TES: variants seen among roughly 807,000 people sequenced by gnomAD.
TES encodes the protein testin.
A neutral mutation model predicts 48.2 loss-of-function variants in TES; 41 were observed. The observed-to-expected ratio is 0.85, with a 90% CI of 0.66 to 1.10. The LOEUF (loss-of-function observed/expected upper bound fraction) is 1.10, where lower values mean the gene tolerates loss of function less well. Ranked by LOEUF, TES falls within the 50% of genes least tolerant of loss-of-function variation. The pLI is 0.00. For missense variants in TES, 463 were observed against 515.1 expected (o/e 0.90, Z 0.98); for synonymous variants, 162 against 174.9 (o/e 0.93, Z 0.58).
chr7:116,229,033 T>TATATATATATATATATATATAAA (rs1417517023), intron 1 of TES, among the ~76,000 whole-genome samples: 1 of 115,496 alleles, frequency 8.7e-6, no homozygotes, highest in African/African-American at 3.4e-5. Context: ...TATATATATA[T>TATATATATATATATATATATAAA]AATCATTTCC....
intron 1 of TES, among the ~76,000 whole-genome samples, chr7:116,231,957 T>A (rs1799706237): frequency 6.6e-6 from 1 of 152,192 alleles, no homozygotes; most frequent in East Asian, 1.9e-4. Context: ...TATTTTTGAT[T>A]TACAAAGATA....
intron 2 of TES, among the ~76,000 whole-genome samples, chr7:116,236,958 C>A (rs758600481): frequency 9.9e-5 from 15 of 152,200 alleles, no homozygotes; most frequent in Non-Finnish European, 1.9e-4. Context: ...CTGACATCTT[C>A]CTGGCATGGG....
chr7:116,211,043 C>T (rs960915782), intron 1 of TES: 8 of 257,748 alleles, frequency 3.1e-5, no homozygotes, highest in African/African-American at 1.8e-4. Context: ...TAAGATGTTT[C>T]AGCTCTGCCT....
chr7:116,247,504 T>A (rs1460862988), intron 2 of TES, among the ~76,000 whole-genome samples: 1 of 152,186 alleles, frequency 6.6e-6, no homozygotes, highest in Non-Finnish European at 1.5e-5. Flanking sequence ...GTGCACTTTT[T>A]AATCAGTCTT....
Position 116,252,330 on chromosome 7 carries a change from A to C in TES, c.931A>C (p.Asn311His). 3 of 1,607,588 alleles carry C rather than the reference A, an allele frequency of 1.9e-6. No individual in the cohort carries two copies. The highest frequency in any genetic ancestry group is 8.5e-7 in the Non-Finnish European group (1 of 1,174,544). The change falls in exon 6 of 7, where the codon AAT (asparagine) becomes CAT (histidine). Residue 311 changes from asparagine (N) to histidine (H), a missense_variant. Physicochemically the swap from Asn to His is moderately conservative, Grantham distance 68. Transcript: ENST00000358204. The part of the protein sequence containing the change: ...CAGCDELIFS[N>H]EYTQAENQNW... ...ATCTTCTTCCTAGCTGATATTCAGC[A>C]ATGAGTATACCCAGGCAGAAAACCA...
At chr7:116,221,729 T>C (rs575881817) in intron 1 of TES, among the ~76,000 whole-genome samples, 106 of 152,272 alleles carry the variant, frequency 7.0e-4, no homozygotes, top group Admixed American at 1.5e-3. Flanking sequence ...TCTAATTTCA[T>C]TGGTGGCTTA....
chr7:116,240,873 C>CTA (rs549204008), intron 2 of TES, among the ~76,000 whole-genome samples: 76 of 152,246 alleles, frequency 5.0e-4, no homozygotes, highest in Non-Finnish European at 1.0e-3. Context: ...CTGTTTAAAT[C>CTA]TATATATATC....
At chr7:116,244,541 G>A (rs915654921) in intron 2 of TES, among the ~76,000 whole-genome samples, 2 of 152,248 alleles carry the variant, frequency 1.3e-5, no homozygotes, top group Non-Finnish European at 2.9e-5. Flanking sequence ...CTCCGCCCCT[G>A]TGGCTTTGCA....
intron 2 of TES, among the ~76,000 whole-genome samples, chr7:116,244,824 G>A (rs998725608): frequency 6.6e-6 from 1 of 152,198 alleles, no homozygotes; most frequent in Non-Finnish European, 1.5e-5. Context: ...TCTAGGCAGA[G>A]GTTCCCAAAC....
chr7:116,219,911 A>G (rs1325701488), intron 1 of TES, among the ~76,000 whole-genome samples: 1 of 152,144 alleles, frequency 6.6e-6, no homozygotes, highest in Non-Finnish European at 1.5e-5. Flanking sequence ...TTAACTTTGC[A>G]GTATCCCTTA....
intron 1 of TES, among the ~76,000 whole-genome samples, chr7:116,227,484 A>G (rs1263784732): frequency 6.6e-6 from 1 of 152,064 alleles, no homozygotes; most frequent in Non-Finnish European, 1.5e-5. Context: ...ATGAACTAAA[A>G]CGTTCAAATT....
chr7:116,218,389 T>G (rs1233017894), intron 1 of TES, among the ~76,000 whole-genome samples: 1 of 152,146 alleles, frequency 6.6e-6, no homozygotes, highest in South Asian at 2.1e-4. Flanking sequence ...TTCCCTTGCT[T>G]TGTTTGATGA....
At chr7:116,233,884 A>T (rs1178928330) in intron 1 of TES, among the ~76,000 whole-genome samples, 1 of 152,092 alleles carries the variant, frequency 6.6e-6, no homozygotes, top group Admixed American at 6.6e-5. Context: ...GGAAGAGAGG[A>T]ACTCACTCCC....
At position 116,257,648 on chromosome 7, in the gene TES, G is replaced by T; in HGVS notation, c.*166G>T. 7.3e-6 allele frequency: 4 copies of T among 551,408 alleles called. No homozygotes were observed. The highest frequency in any genetic ancestry group is 2.0e-5 in the African/African-American group (1 of 51,226). 34.2% of individuals were successfully genotyped at this position (551,408 alleles called of 1,614,324 possible). A position where few individuals can be genotyped will look rare whatever the true frequency, so the allele number is the denominator to read the frequency against. ...ATTTTTTCTTCATCAATTTTTTTTC[G>T]GTCTCAACTTTTAAACTTGGTTTAA... On this transcript the variant is annotated 3_prime_UTR_variant, in exon 7 of 7. Transcript: ENST00000358204.
chr7:116,234,700 T>C (rs1477169891), intron 2 of TES, 81 bp downstream of exon 2: 1 of 1,131,776 alleles, frequency 8.8e-7, no homozygotes, highest in African/African-American at 1.5e-5. Context: ...TATCTTCGAG[T>C]TCTCCAGCAT....
In TES at chr7:116,227,146, C is replaced by T. The variant is rs566899210; in HGVS notation, c.28-7388C>T. The stretch of plus-strand genomic sequence containing the variant: ...TTTATTTATTTATTGGAGATGGAGT[C>T]TCACTCTGTCACCCAGGCTGGAGTG... On this transcript the variant is annotated intron_variant, in intron 1 of 6. Coordinates refer to ENST00000358204, the MANE Select transcript of TES (RefSeq NM_015641.4). Among the ~76,000 whole-genome samples, 5 of 151,380 alleles carry T rather than the reference C, an allele frequency of 3.3e-5. No homozygotes were observed. In the South Asian group the frequency reaches 1.0e-3, roughly 32 times the overall value.
chr7:116,235,457 AAATT>A (rs1211356001), intron 2 of TES, among the ~76,000 whole-genome samples: 1 of 152,190 alleles, frequency 6.6e-6, no homozygotes, highest in Non-Finnish European at 1.5e-5. Flanking sequence ...TTTAAGAAAA[AAATT>A]AATTGTAGTG....
At chr7:116,231,470 A>C (rs2116592264) in intron 1 of TES, among the ~76,000 whole-genome samples, 1 of 145,914 alleles carries the variant, frequency 6.9e-6, no homozygotes, top group East Asian at 2.2e-4. Context: ...TCAGGCTACA[A>C]CTTGGTTTTA....
Position 116,258,559 on chromosome 7 carries a change from AG to A in TES, c.*1078del, listed in dbSNP as rs1234707431. The A allele has an allele frequency of 1.5e-5, 2 of 134,294 alleles. No individual in the cohort carries two copies. The highest frequency in any genetic ancestry group is 5.8e-5 in the African/African-American group (2 of 34,204). The allele number at this position is 134,294 out of a possible 1,614,324, so 8.3% of individuals were successfully genotyped here. The stretch of plus-strand genomic sequence containing the variant: ...GCACTTGCCTGCCATGATTTAGATA[AG>A]ATTTTTTTTGCATGGTTTTTATTCT... On this transcript the variant is annotated 3_prime_UTR_variant, in exon 7 of 7. Transcript: ENST00000358204.
Sources: allele counts gnomAD v4.1 joint callset (sites outside exome capture counted in the v4.1 genomes callset), GRCh38; gene constraint gnomAD v4.1.1; transcripts MANE v1.5; gene names NCBI Gene and HGNC (gene_info 2026-07-23, HGNC 2026-07-21).